PSD3: variants seen among roughly 807,000 people sequenced by gnomAD.
PSD3 encodes PH and SEC7 domain-containing protein 3.
PSD3 carries 49 observed loss-of-function variants against 105.5 expected under a neutral mutation model. The ratio of observed to expected loss-of-function variants is 0.46; its 90% CI spans 0.37 to 0.59. The LOEUF (loss-of-function observed/expected upper bound fraction) is 0.59. PSD3 is among the 20% of genes least tolerant of loss of function. PSD3 has a pLI of 0.00. For missense variants in PSD3, 1,561 were observed against 1,263.8 expected (o/e 1.24, Z -3.57); for synonymous variants, 557 against 457.8 (o/e 1.22, Z -2.77).
chr8:18,600,546 T>A, intron 11 of PSD3, 112 bp from the exon 12 acceptor site: 1 of 882,250 alleles, frequency 1.1e-6, no homozygotes, highest in Non-Finnish European at 1.7e-6. Context: ...CTACCGAAAG[T>A]AATAACAATA....
chr8:18,784,539 A>C (rs1286610341), intron 8 of PSD3, among the ~76,000 whole-genome samples: 1 of 152,180 alleles, frequency 6.6e-6, no homozygotes, highest in Non-Finnish European at 1.5e-5. Context: ...TTCGGGTGTC[A>C]ATTGGTAGCA....
chr8:19,030,658 T>C (rs1168085475), intron 1 of PSD3, among the ~76,000 whole-genome samples: 1 of 152,164 alleles, frequency 6.6e-6, no homozygotes, highest in Non-Finnish European at 1.5e-5. Context: ...CAGCACCAGC[T>C]TCCTGTACAG....
rs1417962823 is a variant in PSD3 at position 18,528,371 on chromosome 8, A to G, written c.*7372T>C. ...CTCAGGGTGCCAGTTTGTTTTTTGC[A>G]AAGGTAAAATACGTGGTGTTAACTT... On this transcript the variant is annotated 3_prime_UTR_variant, in exon 16 of 16. Transcript: ENST00000327040. The G allele has an allele frequency of 2.0e-5, 3 of 152,218 alleles. No individual in the cohort carries two copies. Among genetic ancestry groups the G allele is most frequent in the Admixed American group, 6.5e-5 (1 of 15,272 alleles). The allele number at this position is 152,218 out of a possible 1,614,324, so 9.4% of individuals were successfully genotyped here.
chr8:18,637,361 T>C (rs1227640710), intron 10 of PSD3, among the ~76,000 whole-genome samples: 1 of 152,190 alleles, frequency 6.6e-6, no homozygotes, highest in African/African-American at 2.4e-5. Flanking sequence ...ATGCATTTCT[T>C]GTGATGTTCA....
chr8:19,074,193 G>A (rs1829371166), intron 1 of PSD3, among the ~76,000 whole-genome samples: 1 of 152,096 alleles, frequency 6.6e-6, no homozygotes, highest in Non-Finnish European at 1.5e-5. Flanking sequence ...CTCCCAGTAC[G>A]GTCTGACCAG....
chr8:19,006,379 C>G (rs1030201157), intron 1 of PSD3, among the ~76,000 whole-genome samples: 10 of 151,528 alleles, frequency 6.6e-5, no homozygotes, highest in African/African-American at 2.4e-4. Context: ...CACATAGTAC[C>G]TAGCCCATAA....
In PSD3 at chr8:18,534,938, T is replaced by A. The variant is rs1161174964; in HGVS notation, c.*805A>T. 1 of 152,644 alleles carries A rather than the reference T, an allele frequency of 6.6e-6. No homozygotes were observed. The highest frequency in any genetic ancestry group is 1.5e-5 in the Non-Finnish European group (1 of 68,050). The allele number at this position is 152,644 out of a possible 1,614,324, so 9.5% of individuals were successfully genotyped here. On this transcript the variant is annotated 3_prime_UTR_variant, in exon 16 of 16. Coordinates refer to ENST00000327040, the MANE Select transcript of PSD3 (RefSeq NM_015310.4). ...GAGTGAGGTAACAATTCCTGCAGAC[T>A]GAGCACATGCCTACTGCTGCAGCTC...
chr8:18,642,854 A>T (rs530090977), intron 10 of PSD3, among the ~76,000 whole-genome samples: 3 of 152,346 alleles, frequency 2.0e-5, no homozygotes, highest in Admixed American at 2.0e-4. Context: ...TTTTAAAAAA[A>T]TTTGGCCTTT....
At chr8:18,999,978 T>C (rs1826287252) in intron 1 of PSD3, 1 of 150,536 alleles carries the variant, frequency 6.6e-6, no homozygotes, top group Non-Finnish European at 1.5e-5. Flanking sequence ...TAAGCTCCAG[T>C]TTTAGAATAT....
rs10103348 is a variant in PSD3 at position 18,835,886 on chromosome 8, G to C, written c.1635-30988C>G. Among the ~76,000 whole-genome samples, 322 of 151,396 alleles carry C rather than the reference G, an allele frequency of 2.1e-3. 1 individual carries two copies. Among genetic ancestry groups the C allele is most frequent in the African/African-American group, 7.6e-3 (311 of 41,190 alleles). On this transcript the variant is annotated intron_variant, in intron 4 of 15. Transcript: ENST00000327040. ...GCGGTGTATGCGGTGTAGATGGGGGGGCGGATCGTGTAGGGACTTGGAGGT... is the reference window on the plus strand; with the variant it reads ...GCGGTGTATGCGGTGTAGATGGGGGCGCGGATCGTGTAGGGACTTGGAGGT...
Position 18,566,374 on chromosome 8 carries a change from A to T in PSD3, c.2784+6154T>A, listed in dbSNP as rs557312852. Among the ~76,000 whole-genome samples the T allele has an allele frequency of 1.7e-3, 258 of 151,876 alleles. 5 individuals are homozygous for T. Among genetic ancestry groups the T allele is most frequent in the Non-Finnish European group, 1.3e-4 (9 of 67,962 alleles). On this transcript the variant is annotated intron_variant, in intron 14 of 15. Coordinates refer to ENST00000327040, the MANE Select transcript of PSD3 (RefSeq NM_015310.4). ...ACCTTATCTCTACTAAAAATACGAA[A>T]AATTAGCTGGGTATGGTGGCGGGCG...
chr8:18,767,619 C>T (rs1023912951), intron 8 of PSD3, among the ~76,000 whole-genome samples: 14 of 152,134 alleles, frequency 9.2e-5, no homozygotes, highest in Non-Finnish European at 1.3e-4. Context: ...CAGTGGCGGC[C>T]GCCTGTAACT....
chr8:19,018,190 T>C (rs2129475738), upstream of PSD3, among the ~76,000 whole-genome samples: 1 of 152,334 alleles, frequency 6.6e-6, no homozygotes, highest in East Asian at 1.9e-4. Flanking sequence ...ACAATTTTAT[T>C]ATTGACAATT....
chr8:19,065,788 T>C (rs1297422755), intron 1 of PSD3, among the ~76,000 whole-genome samples: 2 of 152,268 alleles, frequency 1.3e-5, no homozygotes, highest in African/African-American at 2.4e-5. Flanking sequence ...TATGGCATGA[T>C]TGATTAAAAC....
intron 4 of PSD3, among the ~76,000 whole-genome samples, chr8:18,839,962 C>G (rs1814478804): frequency 6.6e-6 from 1 of 152,154 alleles, no homozygotes; most frequent in Non-Finnish European, 1.5e-5. Flanking sequence ...TCCATAAAAA[C>G]TTCTCCCCTC....
intron 4 of PSD3, among the ~76,000 whole-genome samples, chr8:18,867,367 CCA>C (rs1817017784): frequency 6.6e-6 from 1 of 152,192 alleles, no homozygotes; most frequent in Non-Finnish European, 1.5e-5. Flanking sequence ...TTTCACAGCA[CCA>C]CGTCTCTGCC....
At chr8:18,542,529 A>C (rs1157686023) in intron 15 of PSD3, among the ~76,000 whole-genome samples, 1 of 152,230 alleles carries the variant, frequency 6.6e-6, no homozygotes, top group African/African-American at 2.4e-5. Context: ...AGGGAATCTG[A>C]AACAGCAACA....
At chr8:18,555,522 C>T (rs909847790) in intron 15 of PSD3, among the ~76,000 whole-genome samples, 1 of 152,112 alleles carries the variant, frequency 6.6e-6, no homozygotes, top group Non-Finnish European at 1.5e-5. Flanking sequence ...TAAAAAGACA[C>T]TTTAAATGTC....
chr8:19,028,561 G>T (rs1392428592), intron 1 of PSD3, among the ~76,000 whole-genome samples: 1 of 151,934 alleles, frequency 6.6e-6, no homozygotes, highest in Non-Finnish European at 1.5e-5. Flanking sequence ...TTACTGATTT[G>T]TAAGAATTCT....
Sources: gnomAD v4.1 joint callset for allele counts (sites outside exome capture counted in the v4.1 genomes callset) on GRCh38, gnomAD v4.1.1 for gene constraint, MANE v1.5 for transcripts, NCBI Gene and HGNC (gene_info 2026-07-23, HGNC 2026-07-21) for gene names.